Variants in DHRS7C observed in about 807,000 individuals in gnomAD.
The protein encoded by DHRS7C is dehydrogenase/reductase SDR family member 7C.
A neutral mutation model predicts 29.6 loss-of-function variants in DHRS7C; 28 were observed. The observed-to-expected ratio is 0.95, with a 90% CI of 0.70 to 1.30. The LOEUF (loss-of-function observed/expected upper bound fraction) is 1.30. Ranked by LOEUF, DHRS7C falls within the 50% of genes most tolerant of loss-of-function variation. The probability of loss-of-function intolerance (pLI) is 0.00; values close to 1 mark genes in which losing one functional copy is unlikely to be tolerated. For missense variants in DHRS7C, 403 were observed against 393.3 expected, an observed-to-expected ratio of 1.02 and a Z score of -0.21; for synonymous variants, 158 against 160.2, an observed-to-expected ratio of 0.99 and a Z score of 0.10.
In DHRS7C at chr17:9,791,160, A is replaced by G. The variant is rs1227411088; in HGVS notation, c.125T>C (p.Ile42Thr). The G allele has an allele frequency of 1.2e-6, 2 of 1,613,524 alleles. No homozygotes were observed. Among genetic ancestry groups the G allele is most frequent in the South Asian group, 1.1e-5 (1 of 90,870 alleles). Residue 42 changes from isoleucine to threonine, a missense_variant, in exon 1 of 6, where the codon ATC becomes ACC. By Grantham distance (89) the Ile-to-Thr change is moderately conservative. Transcript: ENST00000571134. ...KSAVQNKVVV[I>T]TDAISGLGKE... The stretch of plus-strand genomic sequence containing the variant: ...GCCCAGTCCTGAGATGGCATCGGTG[A>G]TCACCACCACTTTGTTCTGCACAGC...
chr17:9,787,227 T>G (rs2066429060), intron 1 of DHRS7C, among the ~76,000 whole-genome samples: 2 of 152,372 alleles, frequency 1.3e-5, no homozygotes, highest in South Asian at 4.1e-4. Context: ...ATTACAGGCA[T>G]GAGCCACTGC....
intron 5 of DHRS7C, 24 bp downstream of exon 5, chr17:9,772,743 C>G: frequency 6.2e-7 from 1 of 1,612,500 alleles, no homozygotes; most frequent in Non-Finnish European, 8.5e-7. Flanking sequence ...CCCCAGGGGC[C>G]CCAGCTTCCC....
At chr17:9,773,783 G>A (rs1408712654) in intron 4 of DHRS7C, among the ~76,000 whole-genome samples, 1 of 142,618 alleles carries the variant, frequency 7.0e-6, no homozygotes, top group Admixed American at 7.3e-5. Context: ...GGAGTGCAGT[G>A]GTGCGATCTC....
intron 2 of DHRS7C, among the ~76,000 whole-genome samples, chr17:9,780,930 A>C (rs990301531): frequency 1.3e-5 from 2 of 152,182 alleles, no homozygotes; most frequent in Non-Finnish European, 2.9e-5. Flanking sequence ...ATCTCCTCAA[A>C]TATTAGACTT....
Position 9,791,437 on chromosome 17 carries a change from A to G in DHRS7C, c.-153T>C, listed in dbSNP as rs1306473998. ...ACCCAGTGGGCGTGCTAATCCCCAA[A>G]TGTTCAACAAATAGGAAGTTACTCA... On this transcript the variant is annotated 5_prime_UTR_variant, in exon 1 of 6. Transcript: ENST00000571134. 1 of 787,836 alleles carries G rather than the reference A, an allele frequency of 1.3e-6. No homozygotes were observed. Among genetic ancestry groups the G allele is most frequent in the African/African-American group, 1.8e-5 (1 of 57,002 alleles). The allele number at this position is 787,836 out of a possible 1,614,324, so 48.8% of individuals were successfully genotyped here.
intron 2 of DHRS7C, among the ~76,000 whole-genome samples, chr17:9,781,120 T>C (rs555872229): frequency 8.1e-4 from 124 of 152,258 alleles, no homozygotes; most frequent in African/African-American, 2.9e-3. Context: ...GGGATCTCAT[T>C]TATCTGGTTT....
At position 9,782,647 on chromosome 17, in the gene DHRS7C, C is replaced by T. The variant is rs968577118; in HGVS notation, c.155-1053G>A. On this transcript the variant is annotated intron_variant, in intron 1 of 5. Transcript: ENST00000571134. ...GTCTTTGGGAAAGGAGGCATCTGCA[C>T]GCCATTTGCAATCTGCATGCCATTT... 7.9e-5 allele frequency among the ~76,000 whole-genome samples: 12 copies of T among 152,218 alleles called. No individual in the cohort carries two copies. In the East Asian group the frequency reaches 9.6e-4, roughly 12 times the overall value.
chr17:9,779,722 TG>T, intron 3 of DHRS7C, 102 bp downstream of exon 3: 1 of 1,200,580 alleles, frequency 8.3e-7, no homozygotes, highest in Non-Finnish European at 1.2e-6. Context: ...CTGAGGGGAC[TG>T]GGGAATTCCA....
At chr17:9,784,300 G>A (rs541499886) in intron 1 of DHRS7C, among the ~76,000 whole-genome samples, 2 of 152,130 alleles carry the variant, frequency 1.3e-5, no homozygotes, top group Non-Finnish European at 2.9e-5. Flanking sequence ...GTGAAACCCC[G>A]TCTCTACTAA....
rs758367415 is a variant in DHRS7C, at chr17:9,771,599, G to A, written c.825C>T (p.Ala275=). The part of the protein sequence containing the change: ...VRRKKQEVFM[A]NPIPKAAVYV... ...ACACGGCGGCCTTGGGGATGGGGTT[G>A]GCCATAAACACCTCTTGCTTCTTCC... The change falls in exon 6 of 6, where the codon GCC becomes GCT. Residue 275 remains alanine (A), a synonymous_variant. Coordinates refer to ENST00000571134, the MANE Select transcript of DHRS7C (RefSeq NM_001105571.3). 1.9e-6 allele frequency: 3 copies of A among 1,599,914 alleles called. No individual in the cohort carries two copies. The highest frequency in any genetic ancestry group is 2.6e-6 in the Non-Finnish European group (3 of 1,172,530).
At chr17:9,790,486 T>G (rs1489325980) in intron 1 of DHRS7C, among the ~76,000 whole-genome samples, 1 of 152,222 alleles carries the variant, frequency 6.6e-6, no homozygotes, top group Non-Finnish European at 1.5e-5. Flanking sequence ...GAAAGTGTAA[T>G]GATTGAAAGA....
intron 1 of DHRS7C, among the ~76,000 whole-genome samples, chr17:9,783,242 C>T (rs1000901299): frequency 2.0e-5 from 3 of 152,180 alleles, no homozygotes; most frequent in Non-Finnish European, 4.4e-5. Context: ...CCAGAAGTAA[C>T]TGGGTTAACA....
At chr17:9,772,132 G>C (rs771876844) in intron 5 of DHRS7C, among the ~76,000 whole-genome samples, 1 of 152,126 alleles carries the variant, frequency 6.6e-6, no homozygotes, top group African/African-American at 2.4e-5. Flanking sequence ...AAGGTGTAGC[G>C]CCTCTACGCT....
intron 3 of DHRS7C, among the ~76,000 whole-genome samples, chr17:9,777,710 C>T (rs761345638): frequency 3.2e-4 from 48 of 152,146 alleles, no homozygotes; most frequent in Non-Finnish European, 6.0e-4. Context: ...ACATCATTCC[C>T]GTTTCAATTC....
At chr17:9,778,192 C>T (rs1048340353) in intron 3 of DHRS7C, among the ~76,000 whole-genome samples, 1 of 151,896 alleles carries the variant, frequency 6.6e-6, no homozygotes, top group Non-Finnish European at 1.5e-5. Context: ...GAGATCGAGA[C>T]CATCCTGGCT....
At position 9,774,911 on chromosome 17, in the gene DHRS7C, A is replaced by AAC. The variant is rs765158691; in HGVS notation, c.572-1991_572-1990dup. On this transcript the variant is annotated intron_variant, in intron 4 of 5. Coordinates refer to ENST00000571134, the MANE Select transcript of DHRS7C (RefSeq NM_001105571.3). This position sits in a 1 kb window ranked among gnomAD's most constrained non-coding sequence, Gnocchi z 5.0. ...CTTCAGTTCTGACATTTACATGGGAAACTCTGTGCCCCTCAATTCCTCAGC... is the reference window on the plus strand; with the variant it reads ...CTTCAGTTCTGACATTTACATGGGAAACACTCTGTGCCCCTCAATTCCTCAGC... Among the ~76,000 whole-genome samples the AAC allele has an allele frequency of 2.1e-4, 32 of 152,164 alleles. No homozygotes were observed. The highest frequency in any genetic ancestry group is 4.6e-4 in the Non-Finnish European group (31 of 68,024).
intron 1 of DHRS7C, among the ~76,000 whole-genome samples, chr17:9,781,863 T>C (rs1415661451): frequency 6.6e-6 from 1 of 152,182 alleles, no homozygotes; most frequent in Non-Finnish European, 1.5e-5. Flanking sequence ...AAATTCTTCC[T>C]TACACTGAAC....
chr17:9,779,428 C>T (rs1260621540), intron 3 of DHRS7C, among the ~76,000 whole-genome samples: 1 of 152,154 alleles, frequency 6.6e-6, no homozygotes, highest in East Asian at 1.9e-4. Flanking sequence ...CTTTGACCAA[C>T]TGTAATGGTT....
chr17:9,777,681 G>A (rs960251901), intron 3 of DHRS7C, among the ~76,000 whole-genome samples: 4 of 151,998 alleles, frequency 2.6e-5, no homozygotes, highest in South Asian at 2.1e-4. Context: ...CAGAACAGAC[G>A]CTCATCTCGG....
Sources: allele counts gnomAD v4.1 joint callset (sites outside exome capture counted in the v4.1 genomes callset), GRCh38; gene constraint gnomAD v4.1.1; non-coding constraint Gnocchi (gnomAD v3.1); transcripts MANE v1.5; gene names NCBI Gene and HGNC (gene_info 2026-07-23, HGNC 2026-07-21).